The following TRPM7 variants were observed in gnomAD, a reference collection of about 807,000 sequenced individuals.
TRPM7 encodes transient receptor potential cation channel subfamily M member 7.
In TRPM7, 134 loss-of-function variants were observed where a neutral mutation model predicts 229.7. That is an observed-to-expected ratio of 0.58 (90% CI 0.51 to 0.67). The LOEUF (loss-of-function observed/expected upper bound fraction) is 0.67, where lower values mean the gene tolerates loss of function less well. Among genes scored for constraint, TRPM7 ranks in the 30% least tolerant of loss-of-function variants. The pLI, the probability that TRPM7 is intolerant of heterozygous loss-of-function variation, is 0.00. For missense variants in TRPM7, 1,901 were observed against 2,210.0 expected (o/e 0.86, Z 2.80); for synonymous variants, 699 against 715.2 (o/e 0.98, Z 0.36).
chr15:50,627,775 C>A (rs888506125), intron 11 of TRPM7, among the ~76,000 whole-genome samples: 11 of 152,112 alleles, frequency 7.2e-5, no homozygotes, highest in African/African-American at 2.4e-4. Flanking sequence ...AAGGATAACA[C>A]TAAAGAGTCT....
At chr15:50,580,568 A>G (rs1447199434) in intron 30 of TRPM7, among the ~76,000 whole-genome samples, 1 of 152,250 alleles carries the variant, frequency 6.6e-6, no homozygotes, top group African/African-American at 2.4e-5. Context: ...GTCTCTCAAC[A>G]AATTTATTCA....
intron 1 of TRPM7, among the ~76,000 whole-genome samples, chr15:50,665,048 T>A (rs1291309451): frequency 6.6e-6 from 1 of 152,184 alleles, no homozygotes; most frequent in African/African-American, 2.4e-5. Flanking sequence ...ATACGCATGT[T>A]TCTGTATATT....
In TRPM7 at chr15:50,574,426, A is replaced by G; in HGVS notation, c.5156T>C (p.Val1719Ala). 1.2e-6 allele frequency: 2 copies of G among 1,613,986 alleles called. No homozygotes were observed. The highest frequency in any genetic ancestry group is 1.7e-6 in the Non-Finnish European group (2 of 1,180,002). Residue 1719 changes from valine to alanine, a missense_variant, in exon 36 of 39, where the codon GTG (valine) becomes GCG (alanine). Coordinates refer to ENST00000646667, the MANE Select transcript of TRPM7 (RefSeq NM_017672.6). ...YCHSAGQWFAVEECMTGEFRK... is the reference protein window; with the variant it reads ...YCHSAGQWFAAEECMTGEFRK... ...AAATTCTCCAGTCATACATTCTTCC[A>G]CAGCAAACCACTGTCCTGCTGAATG...
At chr15:50,665,735 C>T (rs1054376820) in intron 1 of TRPM7, among the ~76,000 whole-genome samples, 8 of 152,168 alleles carry the variant, frequency 5.3e-5, no homozygotes, top group African/African-American at 1.9e-4. Flanking sequence ...TGGATCACGC[C>T]TGTAATCCCA....
chr15:50,574,124 T>C, intron 36 of TRPM7, 150 bp downstream of exon 36: 4 of 636,528 alleles, frequency 6.3e-6, no homozygotes, highest in South Asian at 4.0e-5. Context: ...CCCTGATGGC[T>C]ATATGCTATG....
intron 20 of TRPM7, among the ~76,000 whole-genome samples, chr15:50,606,494 CCTAA>C (rs1351075890): frequency 1.3e-5 from 2 of 151,966 alleles, no homozygotes; most frequent in Non-Finnish European, 2.9e-5. Context: ...TTAAAAAAGA[CCTAA>C]CTATTTTATT....
intron 1 of TRPM7, among the ~76,000 whole-genome samples, chr15:50,678,119 T>C (rs368425241): frequency 1.3e-5 from 2 of 151,424 alleles, no homozygotes; most frequent in Admixed American, 6.6e-5. Flanking sequence ...TGGGCGCCTG[T>C]AGTCCCAGCT....
At chr15:50,635,436 G>A (rs1166167099) in intron 7 of TRPM7, among the ~76,000 whole-genome samples, 2 of 151,470 alleles carry the variant, frequency 1.3e-5, no homozygotes, top group Non-Finnish European at 2.9e-5. Context: ...GGCCAAGTCG[G>A]GCAGATCACG....
chr15:50,659,912 C>T (rs1222644635), intron 2 of TRPM7, among the ~76,000 whole-genome samples: 1 of 152,164 alleles, frequency 6.6e-6, no homozygotes, highest in Admixed American at 6.6e-5. Flanking sequence ...AGGTGATCCA[C>T]CTACAGCCTC....
At chr15:50,658,969 C>T (rs531767540) in intron 2 of TRPM7, among the ~76,000 whole-genome samples, 1 of 152,078 alleles carries the variant, frequency 6.6e-6, no homozygotes, top group African/African-American at 2.4e-5. Flanking sequence ...GAGGCTGAGG[C>T]GGGAGGATCA....
chr15:50,580,024 T>G (rs1185576811), intron 30 of TRPM7, among the ~76,000 whole-genome samples: 1 of 152,176 alleles, frequency 6.6e-6, no homozygotes, highest in African/African-American at 2.4e-5. Context: ...TCCACCCACC[T>G]TGGCCTCCCA....
intron 1 of TRPM7, among the ~76,000 whole-genome samples, chr15:50,672,725 T>A (rs1021731559): frequency 2.0e-5 from 3 of 151,646 alleles, no homozygotes; most frequent in Admixed American, 2.0e-4. Context: ...GCCTGATCAA[T>A]GTGGTGAAAC....
chr15:50,635,076 C>T (rs1320005027), intron 7 of TRPM7, among the ~76,000 whole-genome samples: 1 of 150,586 alleles, frequency 6.6e-6, no homozygotes, highest in African/African-American at 2.4e-5. Context: ...CCAGCACTTT[C>T]GGAGACCAAG....
At chr15:50,647,193 C>A (rs528997816) in intron 4 of TRPM7, among the ~76,000 whole-genome samples, 1 of 152,110 alleles carries the variant, frequency 6.6e-6, no homozygotes, top group South Asian at 2.1e-4. Flanking sequence ...TGCAGTGGCG[C>A]GATCTCGGTT....
chr15:50,630,952 C>T (rs1407170387), intron 10 of TRPM7, among the ~76,000 whole-genome samples: 1 of 152,196 alleles, frequency 6.6e-6, no homozygotes, highest in East Asian at 1.9e-4. Context: ...TCCACCTCAG[C>T]CTCCCAAGTA....
chr15:50,660,445 G>C (rs1240653000), intron 2 of TRPM7, among the ~76,000 whole-genome samples: 1 of 152,120 alleles, frequency 6.6e-6, no homozygotes, highest in Non-Finnish European at 1.5e-5. Context: ...CTGAGGTCAG[G>C]AGCTCGAGAC....
In TRPM7 at chr15:50,561,645, G is replaced by T. The variant is rs1269660881; in HGVS notation, c.*33C>A. On this transcript the variant is annotated 3_prime_UTR_variant, in exon 39 of 39. Transcript: ENST00000646667. ...TGACACAGTAACATTTCTGTGAGGT[G>T]CAGGCAAAACCAATGATTCAGTAAT... is the stretch of plus-strand genomic sequence containing the variant. 6.2e-7 allele frequency: 1 copy of T among 1,601,402 alleles called. No individual in the cohort carries two copies. The highest frequency in any genetic ancestry group is 8.5e-7 in the Non-Finnish European group (1 of 1,176,410).
chr15:50,600,275 A>G (rs998448848), intron 21 of TRPM7, among the ~76,000 whole-genome samples: 13 of 152,110 alleles, frequency 8.5e-5, no homozygotes, highest in Non-Finnish European at 1.8e-4. Flanking sequence ...TGTGTCTACT[A>G]AAAATATAAA....
In TRPM7 at chr15:50,630,432, G is replaced by A. The variant is rs568119664; in HGVS notation, c.1204+985C>T. On this transcript the variant is annotated intron_variant, in intron 10 of 38. Coordinates refer to ENST00000646667, the MANE Select transcript of TRPM7 (RefSeq NM_017672.6). ...CTTTCAGGTAGACAGATGGGATACC[G>A]TCATAGTTTCTAATTTCTGAGAAGA... Among the ~76,000 whole-genome samples, 27 of 152,182 alleles carry A rather than the reference G, an allele frequency of 1.8e-4. No individual in the cohort carries two copies. The South Asian group carries it at 1.9e-3, about 11-fold the overall frequency.
Sources: gnomAD v4.1 joint callset for allele counts (sites outside exome capture counted in the v4.1 genomes callset) on GRCh38, gnomAD v4.1.1 for gene constraint, MANE v1.5 for transcripts, NCBI Gene and HGNC (gene_info 2026-07-23, HGNC 2026-07-21) for gene names.